Variants in GTF3C5 observed in about 807,000 individuals in gnomAD.
GTF3C5 encodes general transcription factor 3C polypeptide 5.
Under a neutral mutation model 61.0 loss-of-function variants are expected in GTF3C5, and 47 were observed. That is an observed-to-expected ratio of 0.77 (90% CI 0.61 to 0.98). The LOEUF (loss-of-function observed/expected upper bound fraction) is 0.98, where lower values mean the gene tolerates loss of function less well. Ranked by LOEUF, GTF3C5 falls within the 50% of genes least tolerant of loss-of-function variation. The pLI is 0.00. For synonymous variants in GTF3C5, 295 were observed against 275.4 expected, an observed-to-expected ratio of 1.07 and a Z score of -0.71; for missense variants, 659 against 703.3, an observed-to-expected ratio of 0.94 and a Z score of 0.71.
At chr9:133,052,286 C>G (rs895486698) in intron 5 of GTF3C5, 122 bp downstream of exon 5, 13 of 585,202 alleles carry the variant, frequency 2.2e-5, no homozygotes, top group African/African-American at 3.8e-5. Flanking sequence ...CCCATCCTTC[C>G]TGCCCCACCC....
In GTF3C5 at chr9:133,056,082, T is replaced by G; in HGVS notation, c.1238T>G (p.Leu413Trp). ...YRQMFYQLCD[L>W]NVEELQKIIH... ...CAGATGTTCTACCAGTTATGCGACT[T>G]GAATGTGGAAGAGTACGTATGGGAG... The change falls in exon 9 of 11, where the codon TTG (leucine) becomes TGG (tryptophan). Residue 413 changes from leucine to tryptophan, a missense_variant. By Grantham distance (61) the Leu-to-Trp change is moderately conservative. Transcript: ENST00000372097. 1 of 1,613,960 alleles carries G rather than the reference T, an allele frequency of 6.2e-7. No homozygotes were observed. Among genetic ancestry groups the G allele is most frequent in the Non-Finnish European group, 8.5e-7 (1 of 1,179,906 alleles).
chr9:133,048,237 C>T (rs1850262346), intron 3 of GTF3C5, among the ~76,000 whole-genome samples: 1 of 152,198 alleles, frequency 6.6e-6, no homozygotes. Context: ...GTGGCTCACA[C>T]CTATAATCCC....
chr9:133,038,712 C>T (rs1050243421), intron 1 of GTF3C5, among the ~76,000 whole-genome samples: 3 of 151,996 alleles, frequency 2.0e-5, no homozygotes, highest in Non-Finnish European at 4.4e-5. Context: ...CCAGCTCGGC[C>T]TCCCAAAGTG....
At chr9:133,035,095 C>T (rs1158734923) in intron 1 of GTF3C5, among the ~76,000 whole-genome samples, 1 of 152,030 alleles carries the variant, frequency 6.6e-6, no homozygotes, top group Non-Finnish European at 1.5e-5. Flanking sequence ...ATGTCTAGTA[C>T]TTGGGCTAGT....
chr9:133,057,672 C>T, intron 10 of GTF3C5, 142 bp from the exon 11 acceptor site: 1 of 701,268 alleles, frequency 1.4e-6, no homozygotes, highest in South Asian at 2.0e-5. Flanking sequence ...GGGCCTCCAC[C>T]CCATACTTAC....
chr9:133,046,828 G>A (rs1850221866), intron 3 of GTF3C5, among the ~76,000 whole-genome samples: 1 of 152,158 alleles, frequency 6.6e-6, no homozygotes, highest in Non-Finnish European at 1.5e-5. Context: ...GATCCAGGGA[G>A]AACTTTCCAG....
At chr9:133,030,808 C>T, upstream of GTF3C5, 1 of 675,364 alleles carries the variant, frequency 1.5e-6, no homozygotes, top group Non-Finnish European at 2.7e-6. Flanking sequence ...AAGTCGAGGA[C>T]ACGGCGGTCG....
intron 8 of GTF3C5, chr9:133,055,148 A>C: frequency 6.5e-7 from 1 of 1,545,820 alleles, no homozygotes; most frequent in Non-Finnish European, 8.7e-7. Flanking sequence ...AATTGGGCAC[A>C]CACAGGAGGA....
At chr9:133,045,086 T>C (rs866673114) in intron 3 of GTF3C5, among the ~76,000 whole-genome samples, 5 of 152,218 alleles carry the variant, frequency 3.3e-5, no homozygotes, top group Non-Finnish European at 5.9e-5. Context: ...CATAAAAGAA[T>C]AGGATTTCCT....
At chr9:133,055,082 G>A in intron 8 of GTF3C5, 1 of 1,550,736 alleles carries the variant, frequency 6.4e-7, no homozygotes, top group Middle Eastern at 1.7e-4. Context: ...TCCTTCTCGA[G>A]CCCTTTGGGA....
chr9:133,030,873 C>A, upstream of GTF3C5: 1 of 981,932 alleles, frequency 1.0e-6, no homozygotes. Context: ...GAGGCCCTCG[C>A]GTCTTGCTGA....
chr9:133,055,127 G>A (rs1829893283), intron 8 of GTF3C5: 6 of 1,548,478 alleles, frequency 3.9e-6, no homozygotes, highest in South Asian at 1.2e-5. Flanking sequence ...GACCACTCCG[G>A]GAATGATCGG....
intron 1 of GTF3C5, 116 bp downstream of exon 1, chr9:133,031,280 C>A (rs1252355769): frequency 6.1e-6 from 5 of 817,026 alleles, no homozygotes; most frequent in Non-Finnish European, 9.5e-6. Flanking sequence ...CAGAAGGGTG[C>A]TGCTCGCTCT....
intron 1 of GTF3C5, 31 bp downstream of exon 1, chr9:133,031,195 A>G (rs1849721832): frequency 1.3e-6 from 2 of 1,525,608 alleles, no homozygotes; most frequent in Non-Finnish European, 1.8e-6. Flanking sequence ...GTGTTGGAAT[A>G]AGAGCTCGGA....
intron 8 of GTF3C5, chr9:133,055,329 G>T: frequency 1.5e-6 from 2 of 1,358,874 alleles, no homozygotes; most frequent in Non-Finnish European, 9.7e-7. Flanking sequence ...GGGGCATCCC[G>T]CACGGTGGAA....
At chr9:133,034,547 A>G (rs546798629) in intron 1 of GTF3C5, among the ~76,000 whole-genome samples, 171 of 152,286 alleles carry the variant, frequency 1.1e-3, no homozygotes, top group Admixed American at 1.1e-3. Context: ...CCGGGGTGAC[A>G]GCCCATTTTT....
chr9:133,056,015 T>A lies in GTF3C5; in HGVS notation c.1171T>A (p.Ser391Thr). The part of the protein sequence containing the change: ...PASSKYKLKD[S>T]VYIFREGALP... Reference sequence around the variant, plus strand: ...CTCTCTCCCCCTTTGTCACCAGGACTCTGTCTACATCTTCCGGGAAGGGGC... The same window carrying A: ...CTCTCTCCCCCTTTGTCACCAGGACACTGTCTACATCTTCCGGGAAGGGGC... Residue 391 changes from serine to threonine, a missense_variant, in exon 9 of 11, where the codon TCT becomes ACT. Physicochemically the swap from Ser to Thr is moderately conservative, Grantham distance 58. Transcript: ENST00000372097. 1 of 1,614,090 alleles carries A rather than the reference T, an allele frequency of 6.2e-7. No individual in the cohort carries two copies. Among genetic ancestry groups the A allele is most frequent in the Non-Finnish European group, 8.5e-7 (1 of 1,179,942 alleles).
At chr9:133,052,254 A>G in intron 5 of GTF3C5, 90 bp downstream of exon 5, 1 of 688,010 alleles carries the variant, frequency 1.5e-6, no homozygotes, top group Non-Finnish European at 2.6e-6. Flanking sequence ...CAGTAAGAGC[A>G]GCCAACCCCC....
intron 1 of GTF3C5, 78 bp downstream of exon 1, chr9:133,031,242 C>A: frequency 2.2e-6 from 3 of 1,352,862 alleles, no homozygotes; most frequent in South Asian, 1.3e-5. Flanking sequence ...GATTTCTCAG[C>A]AAGGGAAATT....
Sources: allele counts gnomAD v4.1 joint callset (sites outside exome capture counted in the v4.1 genomes callset), GRCh38; gene constraint gnomAD v4.1.1; transcripts MANE v1.5; gene names NCBI Gene and HGNC (gene_info 2026-07-23, HGNC 2026-07-21).